HSF5: variants seen among roughly 807,000 people sequenced by gnomAD.
The protein encoded by HSF5 is heat shock transcription factor 5.
In HSF5, 5 loss-of-function variants were observed where a neutral mutation model predicts 50.8. The observed-to-expected ratio is 0.10, with a 90% CI of 0.05 to 0.21. The LOEUF is 0.21. Among genes scored for constraint, HSF5 ranks in the 10% least tolerant of loss-of-function variants. The pLI is 1.00. For synonymous variants in HSF5, 307 were observed against 307.4 expected, an observed-to-expected ratio of 1.00 and a Z score of 0.02; for missense variants, 564 against 762.6, an observed-to-expected ratio of 0.74 and a Z score of 3.07.
At chr17:58,470,952 T>C (rs761532355) in intron 2 of HSF5, among the ~76,000 whole-genome samples, 1 of 152,058 alleles carries the variant, frequency 6.6e-6, no homozygotes. Flanking sequence ...AATTTATATA[T>C]TAAATATATT....
chr17:58,448,560 C>T (rs1974592734), intron 5 of HSF5, among the ~76,000 whole-genome samples: 1 of 152,034 alleles, frequency 6.6e-6, no homozygotes, highest in Non-Finnish European at 1.5e-5. Context: ...ACCTTACAGG[C>T]AAGAGAGAGT....
At chr17:58,455,172 T>G (rs921117444) in intron 5 of HSF5, among the ~76,000 whole-genome samples, 14 of 152,022 alleles carry the variant, frequency 9.2e-5, no homozygotes, top group Non-Finnish European at 2.9e-5. Flanking sequence ...AAAAATAAAT[T>G]TATACATTTA....
At chr17:58,487,633 T>G (rs1291470060) in intron 1 of HSF5, 92 bp downstream of exon 1, 1 of 1,332,180 alleles carries the variant, frequency 7.5e-7, no homozygotes, top group African/African-American at 1.5e-5. Flanking sequence ...GCCCATAGCG[T>G]GAGGACGTGC....
At chr17:58,449,516 A>G (rs1192228137) in intron 5 of HSF5, among the ~76,000 whole-genome samples, 1 of 151,930 alleles carries the variant, frequency 6.6e-6, no homozygotes, top group African/African-American at 2.4e-5. Context: ...CCTGGCCAAC[A>G]TGGTGAAACC....
intron 5 of HSF5, among the ~76,000 whole-genome samples, chr17:58,424,998 G>A (rs1005003826): frequency 2.0e-5 from 3 of 152,194 alleles, no homozygotes; most frequent in African/African-American, 2.4e-5. Context: ...CGGAGTTTCC[G>A]TTTGGGAAGA....
intron 2 of HSF5, chr17:58,476,650 T>G: frequency 6.4e-7 from 1 of 1,562,350 alleles, no homozygotes; most frequent in East Asian, 2.2e-5. Context: ...TGCCTCTTCG[T>G]CCTCCTCCCC....
intron 2 of HSF5, among the ~76,000 whole-genome samples, chr17:58,475,785 C>T (rs1315064763): frequency 1.3e-5 from 2 of 152,174 alleles, no homozygotes; most frequent in Admixed American, 1.3e-4. Flanking sequence ...TACTCAGGGG[C>T]CTCACATCCT....
chr17:58,462,969 C>G lies in HSF5; in HGVS notation c.1355G>C (p.Cys452Ser). The G allele has an allele frequency of 1.2e-6, 2 of 1,614,198 alleles. No individual in the cohort carries two copies. The highest frequency in any genetic ancestry group is 1.7e-6 in the Non-Finnish European group (2 of 1,180,012). Residue 452 changes from cysteine to serine, a missense_variant, in exon 4 of 6, where the codon TGC (cysteine) becomes TCC (serine). Cys to Ser is a moderately radical substitution (Grantham distance 112, BLOSUM62 -1). This residue lies in a region of HSF5 where 441 missense variants were observed against 533.6 expected (regional missense o/e 0.83). Coordinates refer to ENST00000323777, the MANE Select transcript of HSF5 (RefSeq NM_001080439.3). ...GTACTCAGGTGACTGTGGTAGAGAG[C>G]AGGCAACTGCTTGTTCTGTTCCAAC... ...FVVGTEQAVA[C>S]SLPQSPEYIY...
At chr17:58,470,912 T>A (rs1974935350) in intron 2 of HSF5, among the ~76,000 whole-genome samples, 1 of 151,990 alleles carries the variant, frequency 6.6e-6, no homozygotes, top group Non-Finnish European at 1.5e-5. Context: ...GGTGACAGAG[T>A]GAGACTCCGT....
At position 58,464,874 on chromosome 17, in the gene HSF5, C is replaced by T. The variant is rs545562447; in HGVS notation, c.1021-1571G>A. ...TCTTAAACTCCTGACCTCAAGTGAT[C>T]CACCCACCTCAGCCTCCCAAAATGG... On this transcript the variant is annotated intron_variant, in intron 3 of 5. Coordinates refer to ENST00000323777, the MANE Select transcript of HSF5 (RefSeq NM_001080439.3). Among the ~76,000 whole-genome samples the T allele has an allele frequency of 2.0e-5, 3 of 152,016 alleles. No homozygotes were observed. The East Asian group carries it at 5.8e-4, about 29-fold the overall frequency.
At chr17:58,436,822 G>GA (rs941691530) in intron 5 of HSF5, among the ~76,000 whole-genome samples, 319 of 145,832 alleles carry the variant, frequency 2.2e-3, no homozygotes, top group African/African-American at 7.4e-3. Flanking sequence ...GGAAAGAGCA[G>GA]AAAAAAAAAA....
intron 5 of HSF5, among the ~76,000 whole-genome samples, chr17:58,452,677 G>A (rs891867235): frequency 2.0e-5 from 3 of 152,142 alleles, no homozygotes; most frequent in African/African-American, 7.2e-5. Context: ...AGGCGTCACC[G>A]CACCATCTGG....
Position 58,422,311 on chromosome 17 carries a change from C to T in HSF5, c.*49G>A, listed in dbSNP as rs75799242. ...ACAGTTTGTCATGTGCAAGGCTAGT[C>T]TGCCTCCAGCTACAGCTAGTGCACA... On this transcript the variant is annotated 3_prime_UTR_variant, in exon 6 of 6. Transcript: ENST00000323777. 1.1e-3 allele frequency: 1,425 copies of T among 1,335,142 alleles called. 6 individuals are homozygous for T. The East Asian group carries it at 0.011, about 11-fold the overall frequency. 82.7% of individuals were successfully genotyped at this position (1,335,142 alleles called of 1,614,324 possible). A position where few individuals can be genotyped will look rare whatever the true frequency, so the allele number is the denominator to read the frequency against.
intron 2 of HSF5, among the ~76,000 whole-genome samples, chr17:58,475,723 A>C (rs976057674): frequency 2.0e-5 from 3 of 152,172 alleles, no homozygotes; most frequent in African/African-American, 7.2e-5. Flanking sequence ...GGTAAATGCT[A>C]AATGTTTTCA....
chr17:58,449,948 G>C (rs1336661387), intron 5 of HSF5, among the ~76,000 whole-genome samples: 1 of 146,040 alleles, frequency 6.8e-6, no homozygotes, highest in Non-Finnish European at 1.5e-5. Flanking sequence ...GCGTGAACCC[G>C]GGAGACGGAG....
intron 1 of HSF5, among the ~76,000 whole-genome samples, chr17:58,481,494 T>C (rs900829048): frequency 6.6e-6 from 1 of 152,234 alleles, no homozygotes; most frequent in African/African-American, 2.4e-5. Context: ...AAGGAGAGTT[T>C]TGCATTAAAT....
At chr17:58,456,114 GAT>G (rs148227330) in intron 5 of HSF5, among the ~76,000 whole-genome samples, 241 of 145,370 alleles carry the variant, frequency 1.7e-3, no homozygotes, top group East Asian at 8.8e-3. Flanking sequence ...AAGAAAATGT[GAT>G]ATATATATAT....
At chr17:58,440,081 G>A (rs1974479998) in intron 5 of HSF5, among the ~76,000 whole-genome samples, 1 of 151,950 alleles carries the variant, frequency 6.6e-6, no homozygotes, top group Non-Finnish European at 1.5e-5. Flanking sequence ...ACAGATGATA[G>A]AAACAATATT....
chr17:58,451,939 G>C (rs911875237), intron 5 of HSF5, among the ~76,000 whole-genome samples: 1 of 112,788 alleles, frequency 8.9e-6, no homozygotes, highest in African/African-American at 3.5e-5. Context: ...CAAGCCTTTA[G>C]TTAGACTTTA....
Sources: gnomAD v4.1 joint callset for allele counts (sites outside exome capture counted in the v4.1 genomes callset) on GRCh38, gnomAD v4.1.1 for gene constraint, gnomAD v4.1.1 regional missense constraint, MANE v1.5 for transcripts, NCBI Gene and HGNC (gene_info 2026-07-23, HGNC 2026-07-21) for gene names.